The following PTGER3 variants were observed in gnomAD, a reference collection of about 807,000 sequenced individuals.
The protein encoded by PTGER3 is prostaglandin E2 receptor EP3 subtype.
In PTGER3, 22 loss-of-function variants were observed where a neutral mutation model predicts 34.7. That is an observed-to-expected ratio of 0.63 (90% CI 0.45 to 0.91). The LOEUF (loss-of-function observed/expected upper bound fraction) is 0.91. Ranked by LOEUF, PTGER3 falls within the 40% of genes least tolerant of loss-of-function variation. The pLI is 0.00. For synonymous variants in PTGER3, 241 were observed against 230.1 expected, an observed-to-expected ratio of 1.05 and a Z score of -0.43; for missense variants, 468 against 519.4, an observed-to-expected ratio of 0.90 and a Z score of 0.96.
intron 4 of PTGER3, among the ~76,000 whole-genome samples, chr1:70,886,695 C>A (rs1022442451): frequency 2.0e-5 from 3 of 152,182 alleles, no homozygotes; most frequent in Admixed American, 6.5e-5. Context: ...TTTTCTGTCT[C>A]CCCTAACTAG....
chr1:71,046,152 G>A (rs1349939673), intron 1 of PTGER3, among the ~76,000 whole-genome samples: 1 of 151,524 alleles, frequency 6.6e-6, no homozygotes, highest in Non-Finnish European at 1.5e-5. Context: ...GGGCGTGGTG[G>A]CGGGCGCCTG....
At chr1:70,981,556 G>A (rs1654370123) in intron 2 of PTGER3, among the ~76,000 whole-genome samples, 1 of 151,628 alleles carries the variant, frequency 6.6e-6, no homozygotes, top group African/African-American at 2.4e-5. Flanking sequence ...CTACAGGCAT[G>A]CATCACCACA....
chr1:70,886,720 G>A lies in PTGER3; in HGVS notation c.*24-33861C>T, dbSNP rs999566022. Among the ~76,000 whole-genome samples, 7 of 152,282 alleles carry A rather than the reference G, an allele frequency of 4.6e-5. No individual in the cohort carries two copies. In the South Asian group the frequency reaches 1.5e-3, roughly 32 times the overall value. The stretch of plus-strand genomic sequence containing the variant: ...CCCCTAACTAGAATAAGCGTCTCAT[G>A]AGGACAGGAATTTTTGTACTGTTCT... On this transcript the variant is annotated intron_variant, in intron 4 of 4. Coordinates refer to the PTGER3 transcript ENST00000370931.
At chr1:70,963,532 G>T (rs891127390) in intron 2 of PTGER3, among the ~76,000 whole-genome samples, 1 of 152,230 alleles carries the variant, frequency 6.6e-6, no homozygotes, top group Non-Finnish European at 1.5e-5. Context: ...TGTACCTGCA[G>T]GCCCAACACC....
In PTGER3 at chr1:70,936,752, T is replaced by A. The variant is rs139102459; in HGVS notation, c.*23+17011A>T. Among the ~76,000 whole-genome samples the A allele has an allele frequency of 5.9e-3, 900 of 152,288 alleles. 13 individuals are homozygous for A. The highest frequency in any genetic ancestry group is 5.6e-3 in the Non-Finnish European group (378 of 68,010). ...ACTGTAAATTCATACTTCTCTGTAG[T>A]GGAATCTGTATTATTTGGAAGGTAT... is the stretch of plus-strand genomic sequence containing the variant. On this transcript the variant is annotated intron_variant, in intron 4 of 4. Transcript: ENST00000370931.
rs202011040 is a variant in PTGER3 at position 71,044,675 on chromosome 1, G to GC, written c.897+2005dup. Reference sequence around the variant, plus strand: ...AAGATTGATCTACTTTCTTTCTGAGGCCACCATACTTTTGGTACTAGAATT... The same window carrying GC: ...AAGATTGATCTACTTTCTTTCTGAGGCCCACCATACTTTTGGTACTAGAATT... On this transcript the variant is annotated intron_variant, in intron 1 of 3. Transcript: ENST00000306666. 8.5e-3 allele frequency among the ~76,000 whole-genome samples: 1,287 copies of GC among 152,078 alleles called. 66 individuals carry two copies. The highest frequency in any genetic ancestry group is 0.067 in the Admixed American group (1,019 of 15,256).
At chr1:71,008,764 A>T (rs1657189596) in intron 2 of PTGER3, 1 of 963,384 alleles carries the variant, frequency 1.0e-6, no homozygotes, top group Non-Finnish European at 1.2e-6. Context: ...AGCAATAAAC[A>T]AGCAGCTGTG....
intron 2 of PTGER3, among the ~76,000 whole-genome samples, chr1:71,001,584 C>A (rs375445164): frequency 6.6e-6 from 1 of 152,156 alleles, no homozygotes; most frequent in East Asian, 1.9e-4. Flanking sequence ...TTCCTGTGAG[C>A]TGTTTTCCAG....
At chr1:71,020,906 A>G (rs1658358388) in intron 1 of PTGER3, among the ~76,000 whole-genome samples, 1 of 152,140 alleles carries the variant, frequency 6.6e-6, no homozygotes, top group African/African-American at 2.4e-5. Flanking sequence ...ACACACACTT[A>G]CTGTGTATCG....
chr1:70,852,923 AAATC>A (rs2100418867), intron 4 of PTGER3: 2 of 1,529,516 alleles, frequency 1.3e-6, no homozygotes, highest in East Asian at 4.5e-5. Flanking sequence ...TCTTAAATAA[AAATC>A]AAAGGCAATA....
At chr1:70,904,752 A>G (rs1646910395) in intron 4 of PTGER3, among the ~76,000 whole-genome samples, 2 of 152,204 alleles carry the variant, frequency 1.3e-5, no homozygotes, top group Non-Finnish European at 2.9e-5. Context: ...GCAGAGCATA[A>G]AAGTTCAGAA....
At chr1:71,010,573 G>A in intron 2 of PTGER3, 1 of 984,604 alleles carries the variant, frequency 1.0e-6, no homozygotes, top group Middle Eastern at 5.2e-4. Flanking sequence ...CAACCAAGAG[G>A]TAAAGCCTCT....
intron 1 of PTGER3, among the ~76,000 whole-genome samples, chr1:71,014,458 C>T (rs1043931554): frequency 5.3e-5 from 8 of 152,288 alleles, no homozygotes; most frequent in Middle Eastern, 3.4e-3. Flanking sequence ...GGTACATGTA[C>T]GGACTGAATG....
At chr1:70,944,352 G>A (rs1650028925) in intron 4 of PTGER3, among the ~76,000 whole-genome samples, 2 of 152,066 alleles carry the variant, frequency 1.3e-5, no homozygotes, top group African/African-American at 4.8e-5. Flanking sequence ...TTCTCAAATA[G>A]TAAAGACAAC....
chr1:70,863,727 C>A (rs1481071569), intron 4 of PTGER3, among the ~76,000 whole-genome samples: 2 of 150,472 alleles, frequency 1.3e-5, no homozygotes. Flanking sequence ...TGGATAGGAA[C>A]AGAGAAGAAA....
At chr1:71,019,398 C>T (rs1332566700) in intron 1 of PTGER3, among the ~76,000 whole-genome samples, 1 of 152,136 alleles carries the variant, frequency 6.6e-6, no homozygotes, top group Non-Finnish European at 1.5e-5. Context: ...GTTCTGTCAG[C>T]CCCTTCCCTG....
intron 4 of PTGER3, chr1:70,884,062 G>T (rs1055412355): frequency 9.9e-6 from 4 of 403,358 alleles, no homozygotes; most frequent in African/African-American, 2.1e-5. Context: ...ACTCCAGTCT[G>T]GGTGAGAGAG....
intron 4 of PTGER3, chr1:70,862,248 C>G (rs889782762): frequency 1.2e-5 from 11 of 954,770 alleles, no homozygotes; most frequent in Non-Finnish European, 1.5e-5. Context: ...TTTAAACATA[C>G]TAAGTAAAAA....
intron 4 of PTGER3, among the ~76,000 whole-genome samples, chr1:70,897,685 C>G (rs1241126681): frequency 6.6e-6 from 1 of 152,194 alleles, no homozygotes; most frequent in Non-Finnish European, 1.5e-5. Flanking sequence ...CATCACTTCA[C>G]AAAAACCTGG....
Sources: allele counts gnomAD v4.1 joint callset (sites outside exome capture counted in the v4.1 genomes callset), GRCh38; gene constraint gnomAD v4.1.1; transcripts MANE v1.5; gene names NCBI Gene and HGNC (gene_info 2026-07-23, HGNC 2026-07-21).